Variants in MIR2052HG observed in about 807,000 individuals in gnomAD.
MIR2052HG encodes the protein MIR2052 host gene.
In MIR2052HG at chr8:74,747,389, T is replaced by C. The variant is rs540437289; in HGVS notation, n.372-5052T>C. Among the ~76,000 whole-genome samples the C allele has an allele frequency of 3.3e-5, 5 of 152,312 alleles. 1 individual carries two copies. Among genetic ancestry groups the C allele is most frequent in the African/African-American group, 1.2e-4 (5 of 41,582 alleles). On this transcript the variant is annotated intron_variant and non_coding_transcript_variant, in intron 4 of 6. Transcript: ENST00000523442. ...TTCTATAAGATCCTCTAAATTTCTT[T>C]CTTACCAACAACTTTGAGAAATTGG...
At chr8:74,735,342 G>A (rs913603403) in intron 4 of MIR2052HG, among the ~76,000 whole-genome samples, 8 of 152,116 alleles carry the variant, frequency 5.3e-5, no homozygotes, top group East Asian at 1.9e-4. Flanking sequence ...AAGTTTGGTC[G>A]CTTACTTGCA....
At chr8:74,631,330 G>A (rs2981300) in intron 2 of MIR2052HG, among the ~76,000 whole-genome samples, 2 of 152,194 alleles carry the variant, frequency 1.3e-5, no homozygotes, top group African/African-American at 4.8e-5. Flanking sequence ...AGTTATAGCA[G>A]CAATGGTTTC....
chr8:74,629,444 G>T (rs1047431288), intron 2 of MIR2052HG, among the ~76,000 whole-genome samples: 1 of 152,064 alleles, frequency 6.6e-6, no homozygotes, highest in Non-Finnish European at 1.5e-5. Flanking sequence ...TGCCTAGGGT[G>T]GGGGAGTGTT....
rs539122785 is a variant in MIR2052HG, at chr8:74,603,196, A to T, written n.128+3288A>T. On this transcript the variant is annotated intron_variant and non_coding_transcript_variant, in intron 1 of 6. Coordinates refer to ENST00000523442, the Ensembl canonical transcript of MIR2052HG. The stretch of plus-strand genomic sequence containing the variant: ...AACTGAAAATTTACAAACTATTTAA[A>T]ACCTGAAATCGCTGACTGTTCAGAA... The T allele has an allele frequency of 6.2e-6, 6 of 972,532 alleles. No individual in the cohort carries two copies. In the East Asian group the frequency reaches 1.5e-4, roughly 24 times the overall value. 60.2% of individuals were successfully genotyped at this position (972,532 alleles called of 1,614,324 possible). A position where few individuals can be genotyped will look rare whatever the true frequency, so the allele number is the denominator to read the frequency against.
At chr8:74,604,298 G>T in intron 1 of MIR2052HG, 1 of 687,818 alleles carries the variant, frequency 1.5e-6, no homozygotes, top group South Asian at 1.4e-5. Context: ...TTTGGTCACT[G>T]ATGGGGGGTG....
intron 2 of MIR2052HG, among the ~76,000 whole-genome samples, chr8:74,676,769 T>C (rs1809057497): frequency 6.6e-6 from 1 of 151,888 alleles, no homozygotes; most frequent in African/African-American, 2.4e-5. Context: ...ATGCTTGAAA[T>C]TTGCTAAAAG....
At chr8:74,640,252 G>A (rs1808623605) in intron 2 of MIR2052HG, among the ~76,000 whole-genome samples, 1 of 151,946 alleles carries the variant, frequency 6.6e-6, no homozygotes, top group Non-Finnish European at 1.5e-5. Context: ...TGGATCATGA[G>A]GTCAGGAGAT....
At chr8:74,652,471 A>T (rs1175277753) in intron 2 of MIR2052HG, among the ~76,000 whole-genome samples, 1 of 152,208 alleles carries the variant, frequency 6.6e-6, no homozygotes, top group Non-Finnish European at 1.5e-5. Context: ...TGTGGCACAT[A>T]TGAGAACTAA....
chr8:74,645,308 G>T (rs1442690574), intron 2 of MIR2052HG, among the ~76,000 whole-genome samples: 1 of 149,844 alleles, frequency 6.7e-6, no homozygotes, highest in East Asian at 2.0e-4. Flanking sequence ...TTTTTGAGAC[G>T]GAGTTTTGCT....
At chr8:74,745,447 T>G (rs928150935) in intron 4 of MIR2052HG, among the ~76,000 whole-genome samples, 5 of 152,202 alleles carry the variant, frequency 3.3e-5, no homozygotes, top group African/African-American at 7.2e-5. Context: ...CATTATCACA[T>G]AGCATTTGAT....
intron 2 of MIR2052HG, among the ~76,000 whole-genome samples, chr8:74,626,207 A>T (rs1808434039): frequency 6.6e-6 from 1 of 152,198 alleles, no homozygotes; most frequent in Admixed American, 6.5e-5. Context: ...TGCTGCCAGC[A>T]ATTATCACTG....
At chr8:74,739,407 A>G (rs1365356418) in intron 4 of MIR2052HG, among the ~76,000 whole-genome samples, 1 of 152,056 alleles carries the variant, frequency 6.6e-6, no homozygotes, top group South Asian at 2.1e-4. Flanking sequence ...CTCTGGATGC[A>G]CTCTATTGAC....
intron 2 of MIR2052HG, among the ~76,000 whole-genome samples, chr8:74,694,181 A>T (rs562569171): frequency 2.6e-4 from 40 of 152,338 alleles, no homozygotes; most frequent in Non-Finnish European, 4.7e-4. Flanking sequence ...ATCACATCAC[A>T]GGACTCTTTG....
intron 5 of MIR2052HG, among the ~76,000 whole-genome samples, chr8:74,752,906 C>T (rs1422127622): frequency 1.3e-5 from 2 of 152,202 alleles, no homozygotes; most frequent in African/African-American, 4.8e-5. Flanking sequence ...GAGAGCATCT[C>T]AGATTCACCT....
chr8:74,698,926 CAAGAA>C (rs2128740615), intron 2 of MIR2052HG, among the ~76,000 whole-genome samples: 1 of 151,926 alleles, frequency 6.6e-6, no homozygotes, highest in African/African-American at 2.4e-5. Context: ...AAACATAAAA[CAAGAA>C]AAGAAAGAAA....
chr8:74,659,419 C>T (rs555645677), intron 2 of MIR2052HG, among the ~76,000 whole-genome samples: 2 of 152,236 alleles, frequency 1.3e-5, no homozygotes, highest in Non-Finnish European at 2.9e-5. Context: ...CATGTTTTGA[C>T]TTTAAGATCG....
At chr8:74,665,247 AAGTAACAACAGCAAAC>A (rs1333427819) in intron 2 of MIR2052HG, among the ~76,000 whole-genome samples, 2 of 152,184 alleles carry the variant, frequency 1.3e-5, no homozygotes, top group African/African-American at 4.8e-5. Flanking sequence ...ATTCTTGCAA[AAGTAACAACAGCAAAC>A]AGCAACAATA....
intron 2 of MIR2052HG, among the ~76,000 whole-genome samples, chr8:74,696,602 TC>T (rs1444438218): frequency 4.0e-5 from 6 of 151,704 alleles, no homozygotes; most frequent in Non-Finnish European, 8.8e-5. Flanking sequence ...AGAGACAAGA[TC>T]CAAATAAGCT....
At chr8:74,666,368 GT>G (rs1413722620) in intron 2 of MIR2052HG, among the ~76,000 whole-genome samples, 2 of 152,170 alleles carry the variant, frequency 1.3e-5, no homozygotes, top group East Asian at 3.8e-4. Flanking sequence ...CCCATCTAAA[GT>G]AACCACCATC....
Sources: allele counts gnomAD v4.1 joint callset (sites outside exome capture counted in the v4.1 genomes callset), GRCh38; gene constraint gnomAD v4.1.1; transcripts MANE v1.5; gene names NCBI Gene and HGNC (gene_info 2026-07-23, HGNC 2026-07-21).